TAFA2: variants seen among roughly 807,000 people sequenced by gnomAD.
TAFA2 encodes the protein chemokine-like protein TAFA-2.
In TAFA2, 7 loss-of-function variants were observed where a neutral mutation model predicts 18.8. The ratio of observed to expected loss-of-function variants is 0.37; its 90% CI spans 0.21 to 0.70. The LOEUF is 0.70. Among genes scored for constraint, TAFA2 ranks in the 30% least tolerant of loss-of-function variants. The probability of loss-of-function intolerance (pLI) is 0.53; values close to 1 mark genes in which losing one functional copy is unlikely to be tolerated. For synonymous variants in TAFA2, 60 were observed against 54.2 expected, an observed-to-expected ratio of 1.11 and a Z score of -0.47; for missense variants, 122 against 158.1, an observed-to-expected ratio of 0.77 and a Z score of 1.23.
chr12:61,959,264 T>C (rs1878800652), intron 1 of TAFA2, among the ~76,000 whole-genome samples: 1 of 152,006 alleles, frequency 6.6e-6, no homozygotes. Context: ...TTGGGGAAAG[T>C]TGATATTTTC....
intron 1 of TAFA2, among the ~76,000 whole-genome samples, chr12:62,139,307 T>C (rs1483261057): frequency 1.3e-5 from 2 of 152,240 alleles, no homozygotes; most frequent in Non-Finnish European, 2.9e-5. Context: ...TACACCTTAC[T>C]GAATTACTGA....
chr12:62,256,854 C>T (rs191546304), intron 1 of TAFA2, among the ~76,000 whole-genome samples: 1 of 152,024 alleles, frequency 6.6e-6, no homozygotes, highest in African/African-American at 2.4e-5. Context: ...TGCACTACTC[C>T]CCCGCCTTTC....
chr12:62,229,522 G>C (rs560612880), intron 1 of TAFA2, among the ~76,000 whole-genome samples: 1 of 152,068 alleles, frequency 6.6e-6, no homozygotes, highest in East Asian at 1.9e-4. Context: ...TATTTTTATT[G>C]ATTTGCATAT....
intron 2 of TAFA2, among the ~76,000 whole-genome samples, chr12:61,854,655 A>T (rs1873811609): frequency 6.6e-6 from 1 of 152,104 alleles, no homozygotes; most frequent in African/African-American, 2.4e-5. Context: ...TTATAGCAGC[A>T]ACAGTACAGT....
intron 1 of TAFA2, among the ~76,000 whole-genome samples, chr12:61,909,100 T>C (rs1009335613): frequency 6.6e-6 from 1 of 152,168 alleles, no homozygotes; most frequent in Admixed American, 6.6e-5. Flanking sequence ...TCAGAAAATC[T>C]AGAGAGAAAG....
chr12:61,816,556 T>C (rs1448745283), intron 2 of TAFA2, among the ~76,000 whole-genome samples: 1 of 151,382 alleles, frequency 6.6e-6, no homozygotes, highest in Non-Finnish European at 1.5e-5. Flanking sequence ...AATTGCTGGG[T>C]CAAATGGTAG....
At chr12:62,137,762 A>G (rs942993717) in intron 1 of TAFA2, among the ~76,000 whole-genome samples, 1 of 152,078 alleles carries the variant, frequency 6.6e-6, no homozygotes, top group African/African-American at 2.4e-5. Context: ...CATACAGCCC[A>G]TACTCAACAC....
chr12:61,791,394 G>T (rs775098667), intron 2 of TAFA2, among the ~76,000 whole-genome samples: 2 of 151,584 alleles, frequency 1.3e-5, no homozygotes, highest in African/African-American at 2.4e-5. Flanking sequence ...ATACAAAAAA[G>T]CTTCAGCATA....
chr12:61,895,607 A>G (rs537244641), intron 1 of TAFA2, among the ~76,000 whole-genome samples: 2 of 152,336 alleles, frequency 1.3e-5, no homozygotes, highest in South Asian at 2.1e-4. Flanking sequence ...AATAACGTCC[A>G]TGCTTACTTC....
At chr12:62,126,774 G>T (rs1285497060) in intron 1 of TAFA2, among the ~76,000 whole-genome samples, 1 of 152,084 alleles carries the variant, frequency 6.6e-6, no homozygotes, top group Non-Finnish European at 1.5e-5. Context: ...GAACCTTGGG[G>T]ACTTTACAGG....
chr12:61,828,935 A>G (rs1258503130), intron 2 of TAFA2, among the ~76,000 whole-genome samples: 1 of 151,840 alleles, frequency 6.6e-6, no homozygotes, highest in African/African-American at 2.4e-5. Flanking sequence ...TCTGAGTAAT[A>G]TGTAAACTTT....
chr12:62,209,796 C>G (rs1176086654), intron 1 of TAFA2, among the ~76,000 whole-genome samples: 1 of 152,194 alleles, frequency 6.6e-6, no homozygotes, highest in Admixed American at 6.5e-5. Flanking sequence ...AAAACTAATA[C>G]TTATCTCTTT....
intron 1 of TAFA2, chr12:61,879,175 A>G (rs1057084964): frequency 6.4e-6 from 2 of 310,622 alleles, no homozygotes; most frequent in East Asian, 7.5e-5. Flanking sequence ...CCCTGTCTCA[A>G]AAAAATGTTT....
intron 4 of TAFA2, among the ~76,000 whole-genome samples, chr12:61,723,613 A>G (rs1870006778): frequency 6.6e-6 from 1 of 152,084 alleles, no homozygotes; most frequent in African/African-American, 2.4e-5. Flanking sequence ...TCAGCTTCAC[A>G]TTTTCACCTC....
At chr12:61,908,183 T>C (rs1002253616) in intron 1 of TAFA2, among the ~76,000 whole-genome samples, 1 of 151,954 alleles carries the variant, frequency 6.6e-6, no homozygotes, top group Non-Finnish European at 1.5e-5. Flanking sequence ...CAGGGTGAAA[T>C]GATATGGTTT....
chr12:62,181,823 T>C (rs1371976744), intron 1 of TAFA2, among the ~76,000 whole-genome samples: 1 of 152,200 alleles, frequency 6.6e-6, no homozygotes, highest in African/African-American at 2.4e-5. Context: ...GATAAGAAGT[T>C]CAAACTTCCT....
intron 1 of TAFA2, among the ~76,000 whole-genome samples, chr12:62,063,561 G>A (rs1882407559): frequency 6.6e-6 from 1 of 152,094 alleles, no homozygotes; most frequent in Non-Finnish European, 1.5e-5. Context: ...TTGATAGAAA[G>A]GCAGATACAG....
intron 1 of TAFA2, among the ~76,000 whole-genome samples, chr12:61,911,048 T>A (rs2121342767): frequency 6.6e-6 from 1 of 152,326 alleles, no homozygotes; most frequent in East Asian, 1.9e-4. Flanking sequence ...TTCACGAAGG[T>A]TGTGTTAATT....
chr12:61,962,206 GA>G (rs1555179338), intron 1 of TAFA2, among the ~76,000 whole-genome samples: 2 of 151,906 alleles, frequency 1.3e-5, no homozygotes, highest in Non-Finnish European at 2.9e-5. Flanking sequence ...CTAAATCCCT[GA>G]AAAGTAATTT....
Sources: gnomAD v4.1 joint callset for allele counts (sites outside exome capture counted in the v4.1 genomes callset) on GRCh38, gnomAD v4.1.1 for gene constraint, MANE v1.5 for transcripts, NCBI Gene and HGNC (gene_info 2026-07-23, HGNC 2026-07-21) for gene names.